QTMAN: variants seen among roughly 807,000 people sequenced by gnomAD.
QTMAN encodes queuosine-tRNA mannosyltransferase.
chr2:144,114,324 A>G, the QTMAN span, among the ~76,000 whole-genome samples: 2 of 152,152 alleles, frequency 1.3e-5, no homozygotes, highest in Non-Finnish European at 2.9e-5. Flanking sequence ...CGACTTTACC[A>G]AAAGACAATT....
At chr2:144,138,217 T>C in the QTMAN span, among the ~76,000 whole-genome samples, 604 of 152,172 alleles carry the variant, frequency 4.0e-3, 1 homozygote, top group Non-Finnish European at 6.6e-3. Flanking sequence ...GCTGCTGCTA[T>C]GGTAAATAAG....
the QTMAN span, among the ~76,000 whole-genome samples, chr2:144,326,327 C>T: frequency 4.6e-5 from 7 of 152,096 alleles, no homozygotes; most frequent in Admixed American, 2.0e-4. Context: ...GTGGCTCACG[C>T]CTGTAATCCC....
At chr2:144,281,395 C>CAAAA in the QTMAN span, among the ~76,000 whole-genome samples, 13 of 60,576 alleles carry the variant, frequency 2.1e-4, no homozygotes, top group African/African-American at 3.2e-4. Context: ...ATTGTTATAG[C>CAAAA]AAAAAAAAAA....
chr2:144,278,495 T>G, the QTMAN span, among the ~76,000 whole-genome samples: 6 of 151,774 alleles, frequency 4.0e-5, no homozygotes, highest in East Asian at 9.7e-4. Flanking sequence ...TTACATGTAG[T>G]CTCACTTAAT....
the QTMAN span, among the ~76,000 whole-genome samples, chr2:144,158,138 A>G: frequency 6.6e-6 from 1 of 152,014 alleles, no homozygotes; most frequent in Admixed American, 6.6e-5. Context: ...TAACTTTTTT[A>G]TAACAACTCC....
chr2:144,005,778 T>G, the QTMAN span: 1 of 152,148 alleles, frequency 6.6e-6, no homozygotes, highest in African/African-American at 2.4e-5. Flanking sequence ...TTAATTTTAT[T>G]AACATAGCTC....
the QTMAN span, among the ~76,000 whole-genome samples, chr2:144,100,599 A>T: frequency 6.6e-6 from 1 of 152,148 alleles, no homozygotes; most frequent in Non-Finnish European, 1.5e-5. Context: ...TCTAAAATAC[A>T]CATTTTAGAA....
At chr2:144,255,697 G>C in the QTMAN span, among the ~76,000 whole-genome samples, 1 of 152,218 alleles carries the variant, frequency 6.6e-6, no homozygotes, top group African/African-American at 2.4e-5. Context: ...GAAGGAGGGA[G>C]AGAAGAAGGG....
chr2:144,247,092 G>A, the QTMAN span, among the ~76,000 whole-genome samples: 2 of 152,130 alleles, frequency 1.3e-5, no homozygotes, highest in Admixed American at 6.5e-5. Flanking sequence ...AGTAAGACAA[G>A]AAGGAAAACA....
chr2:144,244,736 C>T, the QTMAN span, among the ~76,000 whole-genome samples: 3 of 151,788 alleles, frequency 2.0e-5, 1 homozygote, highest in Admixed American at 1.3e-4. Context: ...AGACAATGCA[C>T]GGTGTTCAGT....
the QTMAN span, among the ~76,000 whole-genome samples, chr2:144,242,940 C>T: frequency 1.7e-3 from 207 of 120,726 alleles, no homozygotes; most frequent in Non-Finnish European, 2.5e-3. Flanking sequence ...CCAGCCTGGG[C>T]GACAGAGCAA....
the QTMAN span, among the ~76,000 whole-genome samples, chr2:144,108,617 G>C: frequency 7.4e-6 from 1 of 135,316 alleles, no homozygotes; most frequent in Non-Finnish European, 1.5e-5. Context: ...CAGCCTGGGC[G>C]ACAGAGCAAG....
the QTMAN span, among the ~76,000 whole-genome samples, chr2:144,311,303 C>T: frequency 5.3e-5 from 8 of 152,296 alleles, no homozygotes; most frequent in East Asian, 1.3e-3. Flanking sequence ...AAATCATCAT[C>T]TTCTCTACAT....
At chr2:144,187,490 G>A in the QTMAN span, among the ~76,000 whole-genome samples, 2 of 152,078 alleles carry the variant, frequency 1.3e-5, no homozygotes, top group African/African-American at 2.4e-5. Context: ...CTCCCACTGA[G>A]GCCCACTTTC....
At chr2:144,123,745 G>C in the QTMAN span, among the ~76,000 whole-genome samples, 4 of 151,952 alleles carry the variant, frequency 2.6e-5, no homozygotes, top group African/African-American at 9.7e-5. Flanking sequence ...TTCAGTCCTT[G>C]TCTTTTTAAT....
chr2:143,991,359 A>G, the QTMAN span, among the ~76,000 whole-genome samples: 1 of 152,090 alleles, frequency 6.6e-6, no homozygotes, highest in Non-Finnish European at 1.5e-5. Flanking sequence ...GCTAGAGAGA[A>G]AACCCTTTTT....
the QTMAN span, among the ~76,000 whole-genome samples, chr2:144,242,895 G>A: frequency 6.8e-6 from 1 of 147,086 alleles, no homozygotes; most frequent in Non-Finnish European, 1.5e-5. Context: ...GCAGGTGGCA[G>A]AGGTTGCAGT....
chr2:144,118,881 AAAAT>A, the QTMAN span, among the ~76,000 whole-genome samples: 13 of 152,144 alleles, frequency 8.5e-5, no homozygotes, highest in Non-Finnish European at 1.5e-4. Flanking sequence ...ACTTCATCTC[AAAAT>A]AAATAAATAA....
At chr2:144,007,834 T>C in the QTMAN span, among the ~76,000 whole-genome samples, 1 of 152,020 alleles carries the variant, frequency 6.6e-6, no homozygotes, top group African/African-American at 2.4e-5. Flanking sequence ...CCCTCACTCA[T>C]CCTTCTGGAT....
Sources: gnomAD v4.1 joint callset for allele counts (sites outside exome capture counted in the v4.1 genomes callset) on GRCh38, gnomAD v4.1.1 for gene constraint, MANE v1.5 for transcripts, NCBI Gene and HGNC (gene_info 2026-07-23, HGNC 2026-07-21) for gene names.